The following FRMD3 variants were observed in gnomAD, a reference collection of about 807,000 sequenced individuals.
FRMD3 encodes the protein FERM domain-containing protein 3.
In FRMD3, 33 loss-of-function variants were observed where a neutral mutation model predicts 70.2. That is an observed-to-expected ratio of 0.47 (90% CI 0.36 to 0.63). The LOEUF is 0.63. Ranked by LOEUF, FRMD3 falls within the 20% of genes least tolerant of loss-of-function variation. The pLI is 0.00. For synonymous variants in FRMD3, 279 were observed against 255.9 expected (o/e 1.09, Z -0.86); for missense variants, 632 against 711.4 (o/e 0.89, Z 1.27).
rs770393313 is a variant in FRMD3 at position 83,248,350 on chromosome 9, G to A, written c.1362C>T (p.Leu454=). ...ELVYNPSASL[L]PTPVDDDEID... ...TCTCATCGTCATCCACAGGGGTGGG[G>A]AGCAGGCTGGCACTTGGGTTGTACA... Residue 454 remains leucine (L), a synonymous_variant, in exon 14 of 14, where the codon CTC becomes CTT. Transcript: ENST00000304195. The A allele has an allele frequency of 6.2e-6, 10 of 1,614,042 alleles. No individual in the cohort carries two copies. The highest frequency in any genetic ancestry group is 2.7e-5 in the African/African-American group (2 of 74,916).
chr9:83,376,611 C>CT lies in FRMD3; in HGVS notation c.253-3657dup, dbSNP rs5898828. Among the ~76,000 whole-genome samples, 710 of 131,960 alleles carry CT rather than the reference C, an allele frequency of 5.4e-3. 5 individuals carry two copies. Among genetic ancestry groups the CT allele is most frequent in the South Asian group, 0.023 (94 of 4,118 alleles). The allele number at this position is 131,960 out of a possible 152,430, so 86.6% of individuals were successfully genotyped here. Reference sequence around the variant, plus strand: ...TCCAACATTAGATTGTGCTATATTCCTTTTTTTTTTTTTTTTGGCAGGGCT... The same window carrying CT: ...TCCAACATTAGATTGTGCTATATTCCTTTTTTTTTTTTTTTTTGGCAGGGCT... On this transcript the variant is annotated intron_variant, in intron 2 of 13. Transcript: ENST00000304195.
chr9:83,283,886 C>T (rs999434990), intron 13 of FRMD3, among the ~76,000 whole-genome samples: 2 of 152,108 alleles, frequency 1.3e-5, no homozygotes, highest in Non-Finnish European at 2.9e-5. Flanking sequence ...TGTTTGATCT[C>T]CAGTTCAACT....
rs1027814234 is a variant in FRMD3 at position 83,339,140 on chromosome 9, G to A, written c.473-3501C>T. ...AAATCTTGTGAGATATTATAGACTT[G>A]CAATGCTACACACTGCAAATGTTAG... On this transcript the variant is annotated intron_variant, in intron 5 of 13. Transcript: ENST00000304195. Among the ~76,000 whole-genome samples, 6 of 152,192 alleles carry A rather than the reference G, an allele frequency of 3.9e-5. No individual in the cohort carries two copies. In the East Asian group the frequency reaches 1.2e-3, roughly 29 times the overall value.
chr9:83,342,651 C>T (rs1482392350), intron 5 of FRMD3, among the ~76,000 whole-genome samples: 3 of 151,800 alleles, frequency 2.0e-5, no homozygotes, highest in Admixed American at 6.6e-5. Flanking sequence ...TACACATACA[C>T]ACACGAATAG....
At chr9:83,466,144 C>T (rs569786575) in intron 1 of FRMD3, among the ~76,000 whole-genome samples, 2 of 152,292 alleles carry the variant, frequency 1.3e-5, no homozygotes, top group Admixed American at 6.5e-5. Flanking sequence ...ACAAGCATTG[C>T]TATCAGGACT....
At chr9:83,387,031 C>T (rs1247033369) in intron 2 of FRMD3, among the ~76,000 whole-genome samples, 1 of 152,006 alleles carries the variant, frequency 6.6e-6, no homozygotes, top group African/African-American at 2.4e-5. Context: ...GGTTAAAGTG[C>T]TATCTGTCAT....
intron 13 of FRMD3, among the ~76,000 whole-genome samples, chr9:83,258,214 C>G (rs553330773): frequency 1.1e-4 from 16 of 152,276 alleles, no homozygotes; most frequent in South Asian, 4.1e-4. Flanking sequence ...CTGATAGATG[C>G]TATTACTAGA....
chr9:83,547,879 T>C, the FRMD3 span, among the ~76,000 whole-genome samples: 2 of 152,244 alleles, frequency 1.3e-5, no homozygotes, highest in African/African-American at 4.8e-5. Flanking sequence ...ATCAAAATTA[T>C]ATCAAATATC....
Position 83,349,774 on chromosome 9 carries a change from A to G in FRMD3, c.296-17T>C. On this transcript the variant is annotated splice_polypyrimidine_tract_variant and intron_variant, in intron 3 of 13. Coordinates refer to ENST00000304195, the MANE Select transcript of FRMD3 (RefSeq NM_174938.6). Reference sequence around the variant, plus strand: ...GTGGATGAGCTGAAACATCATAAAGAAAAGGCATGAGAAAAGCAGCAAAAG... The same window carrying G: ...GTGGATGAGCTGAAACATCATAAAGGAAAGGCATGAGAAAAGCAGCAAAAG... 6.3e-7 allele frequency: 1 copy of G among 1,589,286 alleles called. No individual in the cohort carries two copies. Among genetic ancestry groups the G allele is most frequent in the Non-Finnish European group, 8.6e-7 (1 of 1,159,514 alleles).
chr9:83,483,083 T>C (rs142937178), intron 1 of FRMD3, among the ~76,000 whole-genome samples: 1 of 152,296 alleles, frequency 6.6e-6, no homozygotes, highest in African/African-American at 2.4e-5. Context: ...GTGATTTGAA[T>C]TGTAATCCCC....
At chr9:83,342,732 ATAGT>A (rs535595578) in intron 5 of FRMD3, among the ~76,000 whole-genome samples, 7,750 of 110,636 alleles carry the variant, frequency 0.07, 234 homozygotes, top group Middle Eastern at 0.091. Context: ...AGATAGATAG[ATAGT>A]TAGATAGACA....
chr9:83,455,726 T>A (rs571351614), intron 1 of FRMD3, among the ~76,000 whole-genome samples: 1 of 152,284 alleles, frequency 6.6e-6, no homozygotes, highest in East Asian at 1.9e-4. Flanking sequence ...TCTGACTATA[T>A]CAGAAACCTC....
In FRMD3 at chr9:83,532,124, A is replaced by G. The variant is rs376666008; in HGVS notation, c.147+5961T>C. Among the ~76,000 whole-genome samples the G allele has an allele frequency of 3.9e-5, 6 of 152,190 alleles. No individual in the cohort carries two copies. The East Asian group carries it at 9.6e-4, about 24-fold the overall frequency. On this transcript the variant is annotated intron_variant, in intron 1 of 13. Coordinates refer to ENST00000304195, the MANE Select transcript of FRMD3 (RefSeq NM_174938.6). ...ATATAATCCTTATTTAATCCTTACA[A>G]AAAGTCCATGAGGGCTATGTTATTA...
intron 1 of FRMD3, among the ~76,000 whole-genome samples, chr9:83,534,994 A>T (rs943202412): frequency 2.6e-5 from 4 of 152,326 alleles, no homozygotes; most frequent in Admixed American, 2.6e-4. Flanking sequence ...TATTTTAACT[A>T]TGGGGTAATA....
At chr9:83,288,607 G>C (rs1018553458) in intron 13 of FRMD3, among the ~76,000 whole-genome samples, 12 of 152,174 alleles carry the variant, frequency 7.9e-5, no homozygotes, top group Non-Finnish European at 1.6e-4. Flanking sequence ...TATCAGTTTG[G>C]CTTTACAGCT....
the FRMD3 span, among the ~76,000 whole-genome samples, chr9:83,564,767 T>C: frequency 2.6e-5 from 4 of 152,266 alleles, no homozygotes; most frequent in South Asian, 8.3e-4. Flanking sequence ...AAGTGTTTCT[T>C]AAAGAACCTC....
intron 4 of FRMD3, among the ~76,000 whole-genome samples, chr9:83,344,824 A>AGTGTGT (rs35538787): frequency 0.051 from 7,329 of 144,014 alleles, 194 homozygotes; most frequent in African/African-American, 0.057. Context: ...TGCATGTGTG[A>AGTGTGT]GTGTGTGTGT....
At chr9:83,482,491 G>T (rs868634866) in intron 1 of FRMD3, among the ~76,000 whole-genome samples, 27 of 152,298 alleles carry the variant, frequency 1.8e-4, no homozygotes, top group African/African-American at 6.3e-4. Flanking sequence ...ATATCTGTCA[G>T]TCATTACTAG....
chr9:83,532,148 T>C (rs1829803409), intron 1 of FRMD3, among the ~76,000 whole-genome samples: 1 of 152,206 alleles, frequency 6.6e-6, no homozygotes, highest in African/African-American at 2.4e-5. Flanking sequence ...GCTATGTTAT[T>C]ATTATTTCCA....
Sources: gnomAD v4.1 joint callset for allele counts (sites outside exome capture counted in the v4.1 genomes callset) on GRCh38, gnomAD v4.1.1 for gene constraint, MANE v1.5 for transcripts, NCBI Gene and HGNC (gene_info 2026-07-23, HGNC 2026-07-21) for gene names.